The following EIF4E3 variants were observed in gnomAD, a reference collection of about 807,000 sequenced individuals.
EIF4E3 encodes eukaryotic translation initiation factor 4E family member 3.
A neutral mutation model predicts 31.7 loss-of-function variants in EIF4E3; 26 were observed. The ratio of observed to expected loss-of-function variants is 0.82; its 90% confidence interval spans 0.60 to 1.14. The LOEUF (loss-of-function observed/expected upper bound fraction) is 1.14, where lower values mean the gene tolerates loss of function less well. Among genes scored for constraint, EIF4E3 ranks in the 50% most tolerant of loss-of-function variants. The pLI is 0.00. For synonymous variants in EIF4E3, 128 were observed against 107.7 expected, an observed-to-expected ratio of 1.19 and a Z score of -1.17; for missense variants, 304 against 270.9, an observed-to-expected ratio of 1.12 and a Z score of -0.86.
At chr3:71,715,512 G>T (rs1163787799) in intron 1 of EIF4E3, among the ~76,000 whole-genome samples, 1 of 152,220 alleles carries the variant, frequency 6.6e-6, no homozygotes, top group Non-Finnish European at 1.5e-5. Context: ...AAAGAAAGCT[G>T]AGGGAGGAAC....
upstream of EIF4E3, among the ~76,000 whole-genome samples, chr3:71,725,607 G>T: frequency 6.6e-6 from 1 of 151,998 alleles, no homozygotes; most frequent in East Asian, 1.9e-4. The surrounding 1 kb of genome is among the most constrained non-coding windows in gnomAD (Gnocchi z 6.1). Context: ...GGGATGGGGG[G>T]CCGATCCCGC....
chr3:71,665,212 A>G, the EIF4E3 span, among the ~76,000 whole-genome samples: 4 of 152,224 alleles, frequency 2.6e-5, no homozygotes, highest in African/African-American at 9.6e-5. Flanking sequence ...ATCCCAGTGA[A>G]AATTCAAATA....
At chr3:71,693,066 C>G (rs1462685450) in intron 5 of EIF4E3, among the ~76,000 whole-genome samples, 2 of 152,114 alleles carry the variant, frequency 1.3e-5, no homozygotes, top group East Asian at 3.9e-4. Flanking sequence ...TGATCATTGT[C>G]ATTAGCTAAA....
intron 1 of EIF4E3, among the ~76,000 whole-genome samples, chr3:71,751,264 A>C (rs1047991292): frequency 2.0e-5 from 3 of 152,148 alleles, no homozygotes; most frequent in Non-Finnish European, 4.4e-5. Flanking sequence ...CAGCTCTTAC[A>C]CTTACTTGAA....
chr3:71,699,205 T>G (rs1256927937), intron 3 of EIF4E3, among the ~76,000 whole-genome samples: 5 of 151,984 alleles, frequency 3.3e-5, no homozygotes, highest in Admixed American at 3.3e-4. Context: ...CCAGCCTTGG[T>G]GACAGAGTGA....
chr3:71,714,649 G>A (rs1486987928), intron 1 of EIF4E3, among the ~76,000 whole-genome samples: 1 of 152,174 alleles, frequency 6.6e-6, no homozygotes, highest in East Asian at 1.9e-4. Context: ...AAGCAAAATT[G>A]GGCCGTATCC....
chr3:71,724,244 A>G (rs1025783157), intron 1 of EIF4E3, among the ~76,000 whole-genome samples: 1 of 152,202 alleles, frequency 6.6e-6, no homozygotes, highest in African/African-American at 2.4e-5. Flanking sequence ...CTATTCATTC[A>G]TAACAATTTC....
intron 3 of EIF4E3, 59 bp downstream of exon 3, chr3:71,699,555 A>T: frequency 1.4e-6 from 2 of 1,421,490 alleles, no homozygotes; most frequent in East Asian, 4.5e-5. Flanking sequence ...ATGATCTTTT[A>T]TGAGGTTCAC....
chr3:71,699,619 T>G lies in EIF4E3; in HGVS notation c.339A>C (p.Pro113=). 1.2e-6 allele frequency: 2 copies of G among 1,613,598 alleles called. No individual in the cohort carries two copies. Among genetic ancestry groups the G allele is most frequent in the Non-Finnish European group, 1.7e-6 (2 of 1,179,822 alleles). The part of the protein sequence containing the change: ...SYHLMRGERR[P]LWEEESNAKG... Reference sequence around the variant, plus strand: ...ATTACACGTTAGACACTTACCAAAGTGGTCGCCTCTCTCCTCTCATTAAAT... The same window carrying G: ...ATTACACGTTAGACACTTACCAAAGGGGTCGCCTCTCTCCTCTCATTAAAT... Residue 113 remains proline, a synonymous_variant, in exon 3 of 7, where the codon CCA becomes CCC. Transcript: ENST00000425534.
At chr3:71,712,633 G>GT in intron 1 of EIF4E3, among the ~76,000 whole-genome samples, 1 of 99,128 alleles carries the variant, frequency 1.0e-5, no homozygotes, top group Non-Finnish European at 2.0e-5. Context: ...TGTTGCGGGG[G>GT]GTGGGCGGGG....
intron 5 of EIF4E3, among the ~76,000 whole-genome samples, chr3:71,693,344 T>C (rs1380523742): frequency 1.3e-5 from 2 of 152,158 alleles, no homozygotes; most frequent in Admixed American, 6.5e-5. Context: ...CAGGATATAA[T>C]GGTGAGCATG....
chr3:71,694,043 T>C lies in EIF4E3; in HGVS notation c.406-102A>G, dbSNP rs138463053. ...AAATTATGTTTTCTTCAACTTCACA[T>C]GCACTTTCTGTGCCCATACTTGGAG... is the stretch of plus-strand genomic sequence containing the variant. On this transcript the variant is annotated intron_variant, in intron 4 of 6. Transcript: ENST00000425534. 383 of 1,174,766 alleles carry C rather than the reference T, an allele frequency of 3.3e-4. 2 individuals are homozygous for C. The African/African-American group carries it at 4.6e-3, about 14-fold the overall frequency. 72.8% of individuals were successfully genotyped at this position (1,174,766 alleles called of 1,614,324 possible).
chr3:71,742,533 T>G (rs2049830732), intron 1 of EIF4E3, among the ~76,000 whole-genome samples: 1 of 152,106 alleles, frequency 6.6e-6, no homozygotes, highest in Non-Finnish European at 1.5e-5. Context: ...CAAATACTTT[T>G]ACAAGTAAAT....
intron 5 of EIF4E3, among the ~76,000 whole-genome samples, chr3:71,692,213 A>AT: frequency 6.6e-6 from 1 of 152,364 alleles, no homozygotes; most frequent in South Asian, 2.1e-4. Flanking sequence ...TACTGGCAGC[A>AT]TAAGACATTA....
intron 1 of EIF4E3, among the ~76,000 whole-genome samples, chr3:71,734,252 A>G (rs1340645722): frequency 2.0e-5 from 3 of 152,234 alleles, no homozygotes; most frequent in Non-Finnish European, 2.9e-5. Flanking sequence ...CATGGAGGCT[A>G]TGATGAACAT....
chr3:71,684,707 A>G lies in EIF4E3; in HGVS notation c.650T>C (p.Phe217Ser). 6.2e-7 allele frequency: 1 copy of G among 1,614,114 alleles called. No individual in the cohort carries two copies. Among genetic ancestry groups the G allele is most frequent in the Non-Finnish European group, 8.5e-7 (1 of 1,180,002 alleles). Residue 217 changes from phenylalanine to serine, a missense_variant, in exon 7 of 7, where the codon TTT becomes TCT. Coordinates refer to ENST00000425534, the MANE Select transcript of EIF4E3 (RefSeq NM_001134651.2). ...FYKPHEEHHA[F>S]EGGRGKH ...TTAGTGTTTTCCACGTCCACCTTCA[A>G]AAGCATGATGCTCTTCATGGGCTAA... is the stretch of plus-strand genomic sequence containing the variant.
Position 71,680,191 on chromosome 3 carries a change from CTTAGGGTTGGGAGG to C in EIF4E3, c.*4477_*4490del. 6.6e-6 allele frequency: 1 copy of C among 152,240 alleles called. No homozygotes were observed. Among genetic ancestry groups the C allele is most frequent in the Middle Eastern group, 3.4e-3 (1 of 296 alleles). The allele number at this position is 152,240 out of a possible 1,614,324, so 9.4% of individuals were successfully genotyped here. A position where few individuals can be genotyped will look rare whatever the true frequency, so the allele number is the denominator to read the frequency against. On this transcript the variant is annotated 3_prime_UTR_variant, in exon 7 of 7. Transcript: ENST00000425534. ...ATTGGAATCAGGTCACCTGACAGAG[CTTAGGGTTGGGAGG>C]CTTTCCTCATTTGTCATATGTGGGA...
chr3:71,699,119 T>A (rs1488522232), intron 3 of EIF4E3, among the ~76,000 whole-genome samples: 1 of 151,964 alleles, frequency 6.6e-6, no homozygotes, highest in Non-Finnish European at 1.5e-5. Context: ...CTCAGCTACT[T>A]GGGAGGCTGA....
intron 6 of EIF4E3, among the ~76,000 whole-genome samples, chr3:71,688,646 T>A (rs1055336847): frequency 3.9e-5 from 6 of 152,146 alleles, no homozygotes; most frequent in Middle Eastern, 3.2e-3. Context: ...TGAAATACAC[T>A]TCCGTCTATA....
Sources: allele counts gnomAD v4.1 joint callset (sites outside exome capture counted in the v4.1 genomes callset), GRCh38; gene constraint gnomAD v4.1.1; non-coding constraint Gnocchi (gnomAD v3.1); transcripts MANE v1.5; gene names NCBI Gene and HGNC (gene_info 2026-07-23, HGNC 2026-07-21).